Variants in SHISA9 observed in about 807,000 individuals in gnomAD.
SHISA9 encodes the protein shisa family member 9.
In SHISA9, 13 loss-of-function variants were observed where a neutral mutation model predicts 38.0. That is an observed-to-expected ratio of 0.34 (90% CI 0.22 to 0.54). The LOEUF (loss-of-function observed/expected upper bound fraction) is 0.54, where lower values mean the gene tolerates loss of function less well. Among genes scored for constraint, SHISA9 ranks in the 20% least tolerant of loss-of-function variants. SHISA9 has a pLI of 0.91. For missense variants in SHISA9, 538 were observed against 575.8 expected, an observed-to-expected ratio of 0.93 and a Z score of 0.67; for synonymous variants, 275 against 242.0, an observed-to-expected ratio of 1.14 and a Z score of -1.27.
At chr16:12,907,344 C>A (rs2071115727) in intron 1 of SHISA9, among the ~76,000 whole-genome samples, 1 of 146,764 alleles carries the variant, frequency 6.8e-6, no homozygotes, top group South Asian at 2.3e-4. Flanking sequence ...TTCCTTCCTT[C>A]CCCTCCCCTC....
chr16:13,175,513 G>A (rs1295218011), intron 2 of SHISA9, among the ~76,000 whole-genome samples: 3 of 152,184 alleles, frequency 2.0e-5, no homozygotes, highest in Non-Finnish European at 4.4e-5. Flanking sequence ...AGTGAGACAC[G>A]CCCAGGTGAG....
chr16:13,512,162 T>C, the SHISA9 span, among the ~76,000 whole-genome samples: 3 of 152,124 alleles, frequency 2.0e-5, no homozygotes, highest in Non-Finnish European at 2.9e-5. Flanking sequence ...AGCTCAAGAA[T>C]ATTTATAGAA....
the SHISA9 span, among the ~76,000 whole-genome samples, chr16:13,493,841 G>T: frequency 6.6e-6 from 1 of 152,196 alleles, no homozygotes; most frequent in African/African-American, 2.4e-5. Context: ...GGTCTCAAAG[G>T]GTTTGAGTGG....
At chr16:13,434,784 C>T in the SHISA9 span, among the ~76,000 whole-genome samples, 4 of 152,034 alleles carry the variant, frequency 2.6e-5, no homozygotes, top group Non-Finnish European at 4.4e-5. Flanking sequence ...AATAAATGAA[C>T]GAATAAATGA....
At chr16:13,257,913 G>A in the SHISA9 span, among the ~76,000 whole-genome samples, 5 of 152,088 alleles carry the variant, frequency 3.3e-5, no homozygotes, top group South Asian at 1.0e-3. Context: ...TCTTTGTAAA[G>A]AATGCTGAGA....
At chr16:13,435,063 T>C in the SHISA9 span, among the ~76,000 whole-genome samples, 4 of 152,242 alleles carry the variant, frequency 2.6e-5, no homozygotes, top group Non-Finnish European at 5.9e-5. Context: ...TGTTCTTTTT[T>C]CAAACATACT....
intron 2 of SHISA9, among the ~76,000 whole-genome samples, chr16:13,080,297 C>T (rs1015150364): frequency 3.9e-5 from 6 of 152,140 alleles, no homozygotes; most frequent in Non-Finnish European, 4.4e-5. Flanking sequence ...GGCATGAACC[C>T]GGGAGGTGGA....
intron 2 of SHISA9, among the ~76,000 whole-genome samples, chr16:13,039,484 GGTTT>G (rs972017260): frequency 2.7e-4 from 28 of 102,550 alleles, no homozygotes; most frequent in African/African-American, 1.3e-3. Context: ...AATGTCATGG[GGTTT>G]TTTTTTTTTT....
chr16:13,425,477 A>C, the SHISA9 span, among the ~76,000 whole-genome samples: 37 of 152,142 alleles, frequency 2.4e-4, no homozygotes, highest in South Asian at 8.3e-4. Context: ...ACAGAGTGAG[A>C]CTTCGTCTCA....
intron 2 of SHISA9, among the ~76,000 whole-genome samples, chr16:12,952,698 T>C (rs562476189): frequency 1.2e-4 from 19 of 152,276 alleles, no homozygotes; most frequent in Non-Finnish European, 2.4e-4. Context: ...TCACTCTTTC[T>C]CCCTTCTTCT....
chr16:13,247,364 A>G, the SHISA9 span, among the ~76,000 whole-genome samples: 1 of 152,178 alleles, frequency 6.6e-6, no homozygotes, highest in Admixed American at 6.5e-5. Context: ...GGACCTTTAC[A>G]TACCTGATCT....
chr16:12,936,110 G>A lies in SHISA9; in HGVS notation c.691+19295G>A, dbSNP rs184921452. Among the ~76,000 whole-genome samples, 7 of 152,206 alleles carry A rather than the reference G, an allele frequency of 4.6e-5. No individual in the cohort carries two copies. In the East Asian group the frequency reaches 5.8e-4, roughly 13 times the overall value. ...CTGGGAGTTCTTGAGTAGATGCATC[G>A]TCTGATGTCCCTTCGCTAGCAGGTG... On this transcript the variant is annotated intron_variant, in intron 2 of 4. Transcript: ENST00000558583.
At chr16:13,499,485 A>C in the SHISA9 span, among the ~76,000 whole-genome samples, 1 of 152,352 alleles carries the variant, frequency 6.6e-6, no homozygotes, top group East Asian at 1.9e-4. Context: ...GTGAGTACAT[A>C]GAGAGAAAAA....
At chr16:13,243,610 G>C (rs1268021343), downstream of SHISA9, among the ~76,000 whole-genome samples, 4 of 152,136 alleles carry the variant, frequency 2.6e-5, no homozygotes, top group Non-Finnish European at 2.9e-5. Context: ...GCAGGCTTCA[G>C]AGAGAACAGG....
the SHISA9 span, among the ~76,000 whole-genome samples, chr16:13,429,042 C>T: frequency 6.6e-6 from 1 of 152,150 alleles, no homozygotes; most frequent in Non-Finnish European, 1.5e-5. Context: ...GCTGGGATTA[C>T]AGGCGTGAGC....
chr16:13,081,497 G>A (rs1336212398), intron 2 of SHISA9, among the ~76,000 whole-genome samples: 1 of 152,130 alleles, frequency 6.6e-6, no homozygotes, highest in African/African-American at 2.4e-5. Flanking sequence ...AAGACTTGCT[G>A]GCTGCAAGGG....
chr16:13,330,476 C>A, the SHISA9 span, among the ~76,000 whole-genome samples: 2,631 of 152,262 alleles, frequency 0.017, 32 homozygotes, highest in Middle Eastern at 0.024. Context: ...GGTCACCTCT[C>A]TGTTGTAGTT....
intron 2 of SHISA9, among the ~76,000 whole-genome samples, chr16:12,987,285 A>C (rs2072323867): frequency 6.6e-6 from 1 of 152,258 alleles, no homozygotes. Flanking sequence ...TCAAAAAAGC[A>C]ATTAGTAATT....
At chr16:12,995,085 A>G (rs1201148647) in intron 2 of SHISA9, among the ~76,000 whole-genome samples, 4 of 152,034 alleles carry the variant, frequency 2.6e-5, no homozygotes, top group African/African-American at 9.7e-5. Flanking sequence ...ATTTTTTTAA[A>G]CTTTTACTTT....
Sources: gnomAD v4.1 joint callset for allele counts (sites outside exome capture counted in the v4.1 genomes callset) on GRCh38, gnomAD v4.1.1 for gene constraint, MANE v1.5 for transcripts, NCBI Gene and HGNC (gene_info 2026-07-23, HGNC 2026-07-21) for gene names.